The following NRG1 variants were observed in gnomAD, a reference collection of about 807,000 sequenced individuals.
The protein encoded by NRG1 is neuregulin 1, also known as pro-neuregulin-1, membrane-bound isoform.
In NRG1, 18 loss-of-function variants were observed where a neutral mutation model predicts 63.8. That is an observed-to-expected ratio of 0.28 (90% CI 0.19 to 0.42). The LOEUF is 0.42. Ranked by LOEUF, NRG1 falls within the 10% of genes least tolerant of loss-of-function variation. NRG1 has a pLI of 1.00. For missense variants in NRG1, 762 were observed against 814.7 expected (o/e 0.94, Z 0.79); for synonymous variants, 302 against 301.3 (o/e 1.00, Z -0.02).
At chr8:32,410,473 A>G (rs1056870755) in intron 1 of NRG1, among the ~76,000 whole-genome samples, 3 of 152,088 alleles carry the variant, frequency 2.0e-5, no homozygotes, top group African/African-American at 7.2e-5. Context: ...GGCCAAAAGC[A>G]TCTTCTCAAA....
chr8:32,315,010 T>G (rs1042350209), intron 1 of NRG1, among the ~76,000 whole-genome samples: 11 of 148,836 alleles, frequency 7.4e-5, no homozygotes, highest in Non-Finnish European at 1.0e-4. Context: ...CTCGACTTTC[T>G]GCCTGCAGAC....
chr8:32,090,763 C>A (rs4733294), intron 1 of NRG1, among the ~76,000 whole-genome samples: 152,152 of 152,346 alleles, frequency 1, 75,979 homozygotes, highest in Non-Finnish European at 1. Flanking sequence ...AATGACTTGC[C>A]TACAGTAAGA....
rs561039991 is a variant in NRG1, at chr8:32,026,574, A to G, written c.37+387143A>G. On this transcript the variant is annotated intron_variant, in intron 1 of 10. Coordinates refer to the NRG1 transcript ENST00000519301. ...TCTTGCAGTCAACTTTACTGAAAACAAATCTGAAATAAAATTAATGTTATT... is the reference window on the plus strand; with the variant it reads ...TCTTGCAGTCAACTTTACTGAAAACGAATCTGAAATAAAATTAATGTTATT... Among the ~76,000 whole-genome samples, 164 of 152,316 alleles carry G rather than the reference A, an allele frequency of 1.1e-3. 1 individual carries two copies. The highest frequency in any genetic ancestry group is 3.7e-3 in the African/African-American group (153 of 41,576).
intron 1 of NRG1, among the ~76,000 whole-genome samples, chr8:31,906,399 T>A (rs1403824822): frequency 6.6e-6 from 1 of 152,140 alleles, no homozygotes. Context: ...GGAGGGACAA[T>A]ACAGTGTGTG....
At chr8:32,191,747 T>C (rs1289465120) in intron 1 of NRG1, among the ~76,000 whole-genome samples, 2 of 152,162 alleles carry the variant, frequency 1.3e-5, no homozygotes, top group African/African-American at 2.4e-5. Context: ...ACCCTTTCTG[T>C]TGCACACTGC....
At chr8:31,881,856 G>C (rs1382738406) in intron 1 of NRG1, among the ~76,000 whole-genome samples, 1 of 152,132 alleles carries the variant, frequency 6.6e-6, no homozygotes, top group African/African-American at 2.4e-5. Context: ...AGAAAAGTTG[G>C]AACCTGGCAG....
intron 1 of NRG1, among the ~76,000 whole-genome samples, chr8:32,529,146 A>C (rs1831184838): frequency 6.6e-6 from 1 of 152,228 alleles, no homozygotes; most frequent in African/African-American, 2.4e-5. Flanking sequence ...CTGCAAATCC[A>C]TACAGCCTGC....
At chr8:32,318,517 C>T (rs1801021377) in intron 1 of NRG1, among the ~76,000 whole-genome samples, 1 of 152,142 alleles carries the variant, frequency 6.6e-6, no homozygotes, top group African/African-American at 2.4e-5. Context: ...CTGGTCCAAA[C>T]ATCCGAGCCT....
chr8:32,150,352 A>C (rs994939253), intron 1 of NRG1, among the ~76,000 whole-genome samples: 8 of 152,192 alleles, frequency 5.3e-5, no homozygotes, highest in Non-Finnish European at 8.8e-5. Context: ...GTCCCTTCAA[A>C]ATTCATATGT....
At chr8:32,486,182 T>C (rs1825875066) in intron 1 of NRG1, among the ~76,000 whole-genome samples, 3 of 152,122 alleles carry the variant, frequency 2.0e-5, no homozygotes, top group Non-Finnish European at 4.4e-5. Context: ...TCTGCCCACT[T>C]CGGCCTCCCA....
At position 31,913,618 on chromosome 8, in the gene NRG1, A is replaced by G. The variant is rs185243079; in HGVS notation, c.37+274187A>G. The stretch of plus-strand genomic sequence containing the variant: ...TCGTAGATTACTGGAGAAGACAAAG[A>G]TGCAAATAGGCAATTATAATAAAAA... On this transcript the variant is annotated intron_variant, in intron 1 of 10. Coordinates refer to the NRG1 transcript ENST00000519301. 5.7e-4 allele frequency among the ~76,000 whole-genome samples: 87 copies of G among 152,330 alleles called. No individual in the cohort carries two copies. The Middle Eastern group carries it at 0.031, about 54-fold the overall frequency.
At chr8:32,394,012 G>A (rs372979486) in intron 1 of NRG1, among the ~76,000 whole-genome samples, 1 of 151,804 alleles carries the variant, frequency 6.6e-6, no homozygotes, top group African/African-American at 2.4e-5. Flanking sequence ...TATTCTGTAG[G>A]CCTTATCGTG....
chr8:32,572,383 A>G (rs1264925240), intron 1 of NRG1, among the ~76,000 whole-genome samples: 2 of 152,150 alleles, frequency 1.3e-5, no homozygotes, highest in Non-Finnish European at 2.9e-5. Flanking sequence ...TACAGGATTA[A>G]TTTTCTAAGA....
chr8:32,148,357 G>C (rs1418241945), intron 1 of NRG1, among the ~76,000 whole-genome samples: 1 of 152,110 alleles, frequency 6.6e-6, no homozygotes, highest in African/African-American at 2.4e-5. Context: ...GTTGAACTTA[G>C]CTCCATATAT....
chr8:32,452,641 G>T (rs754324461), intron 1 of NRG1, among the ~76,000 whole-genome samples: 1 of 151,946 alleles, frequency 6.6e-6, no homozygotes, highest in Non-Finnish European at 1.5e-5. Flanking sequence ...TGGCAACTAT[G>T]AGCCATTACA....
chr8:31,640,188 C>G lies in NRG1; in HGVS notation c.37+757C>G. The G allele has an allele frequency of 2.5e-6, 3 of 1,186,410 alleles. No homozygotes were observed. Among genetic ancestry groups the G allele is most frequent in the Non-Finnish European group, 3.1e-6 (3 of 958,034 alleles). 73.5% of individuals were successfully genotyped at this position (1,186,410 alleles called of 1,614,324 possible). A position where few individuals can be genotyped will look rare whatever the true frequency, so the allele number is the denominator to read the frequency against. On this transcript the variant is annotated intron_variant, in intron 1 of 10. Coordinates refer to the NRG1 transcript ENST00000519301. This position sits in a 1 kb window ranked among gnomAD's most constrained non-coding sequence, Gnocchi z 6.3. ...CGGTGTGCTACTCGTCCCCGCCCAG[C>G]GTGGGATCGGTGCAGGAGCTAGCTC...
intron 1 of NRG1, among the ~76,000 whole-genome samples, chr8:32,370,717 G>C (rs1485355879): frequency 6.6e-6 from 1 of 151,164 alleles, no homozygotes; most frequent in Non-Finnish European, 1.5e-5. Context: ...AATTAGCCAG[G>C]CATGGTGGCA....
chr8:32,220,996 G>A (rs955633023), intron 1 of NRG1: 4 of 152,162 alleles, frequency 2.6e-5, no homozygotes, highest in African/African-American at 9.7e-5. Context: ...TAAAAAAAAT[G>A]AGATTTATCC....
chr8:32,652,349 T>G (rs1276173272), intron 5 of NRG1, among the ~76,000 whole-genome samples: 3 of 152,198 alleles, frequency 2.0e-5, no homozygotes, highest in African/African-American at 7.2e-5. Flanking sequence ...AGCTTGCTTC[T>G]GAAAACAGCA....
Sources: allele counts gnomAD v4.1 joint callset (sites outside exome capture counted in the v4.1 genomes callset), GRCh38; gene constraint gnomAD v4.1.1; non-coding constraint Gnocchi (gnomAD v3.1); transcripts MANE v1.5; gene names NCBI Gene and HGNC (gene_info 2026-07-23, HGNC 2026-07-21).